MLIP: variants seen among roughly 807,000 people sequenced by gnomAD.
The protein encoded by MLIP is muscular LMNA interacting protein.
In MLIP, 79 loss-of-function variants were observed where a neutral mutation model predicts 84.8. That is an observed-to-expected ratio of 0.93 (90% CI 0.78 to 1.12). The LOEUF is 1.12. Ranked by LOEUF, MLIP falls within the 50% of genes most tolerant of loss-of-function variation. The pLI, the probability that MLIP is intolerant of heterozygous loss-of-function variation, is 0.00. For synonymous variants in MLIP, 504 were observed against 463.0 expected, an observed-to-expected ratio of 1.09 and a Z score of -1.14; for missense variants, 1,257 against 1,160.6, an observed-to-expected ratio of 1.08 and a Z score of -1.21.
chr6:54,136,760 C>T lies in MLIP; in HGVS notation c.691C>T (p.Pro231Ser). 1.3e-6 allele frequency: 2 copies of T among 1,516,412 alleles called. No individual in the cohort carries two copies. Among genetic ancestry groups the T allele is most frequent in the Non-Finnish European group, 1.8e-6 (2 of 1,131,550 alleles). 93.9% of individuals were successfully genotyped at this position (1,516,412 alleles called of 1,614,324 possible). ...TTSEQLACKP[P>S]AFSFVSPTNP... is the part of the protein sequence containing the mutation. ...CTCTGAGCAGCTTGCCTGTAAACCA[C>T]CTGCTTTCTCCTTTGTTTCTCCAAC... Residue 231 changes from proline (P) to serine (S), a missense_variant, in exon 4 of 14, where the codon CCT (proline) becomes TCT (serine). Physicochemically the swap from Pro to Ser is moderately conservative, Grantham distance 74 (BLOSUM62 -1). Transcript: ENST00000502396.
intron 8 of MLIP, 48 bp downstream of exon 8, chr6:54,160,847 T>A: frequency 6.7e-7 from 1 of 1,494,878 alleles, no homozygotes; most frequent in Non-Finnish European, 9.2e-7. Flanking sequence ...ATTTATTAGA[T>A]CAATGATTTC....
intron 4 of MLIP, among the ~76,000 whole-genome samples, chr6:54,148,493 T>C (rs547345806): frequency 6.6e-6 from 1 of 152,334 alleles, no homozygotes; most frequent in East Asian, 1.9e-4. Context: ...TTTTTGTTTT[T>C]CTTTATGGAG....
chr6:54,255,189 C>T (rs1246651631), intron 12 of MLIP, among the ~76,000 whole-genome samples: 1 of 152,176 alleles, frequency 6.6e-6, no homozygotes, highest in African/African-American at 2.4e-5. Flanking sequence ...TTCCCATGGG[C>T]ATATTGCCAC....
At chr6:54,112,395 C>G (rs1232016182) in intron 1 of MLIP, among the ~76,000 whole-genome samples, 1 of 142,138 alleles carries the variant, frequency 7.0e-6, no homozygotes, top group African/African-American at 2.5e-5. Flanking sequence ...AACTGAAATT[C>G]CTTGTGAATG....
chr6:54,225,559 G>A (rs1780520896), intron 11 of MLIP, among the ~76,000 whole-genome samples: 1 of 152,116 alleles, frequency 6.6e-6, no homozygotes, highest in Non-Finnish European at 1.5e-5. Flanking sequence ...GTGTAACATT[G>A]TTATAAAACC....
At chr6:54,079,945 G>T (rs1767030419) in intron 1 of MLIP, among the ~76,000 whole-genome samples, 1 of 152,150 alleles carries the variant, frequency 6.6e-6, no homozygotes, top group Admixed American at 6.6e-5. Context: ...TTTACTGGAG[G>T]TTAGAAAGTT....
intron 3 of MLIP, among the ~76,000 whole-genome samples, chr6:54,125,492 G>A (rs1199023648): frequency 2.6e-5 from 4 of 152,216 alleles, no homozygotes; most frequent in African/African-American, 9.6e-5. Context: ...TTAAGGTAGA[G>A]AGAGTCTGGT....
intron 1 of MLIP, among the ~76,000 whole-genome samples, chr6:54,061,215 AAC>A (rs942537460): frequency 2.0e-5 from 3 of 152,122 alleles, no homozygotes; most frequent in African/African-American, 7.2e-5. Flanking sequence ...TATTAGTAGA[AAC>A]ACAATTCGCT....
upstream of MLIP, among the ~76,000 whole-genome samples, chr6:54,106,556 T>G (rs1364686772): frequency 2.6e-5 from 4 of 152,174 alleles, no homozygotes; most frequent in East Asian, 3.9e-4. Flanking sequence ...TTTTTTGGAT[T>G]TATTTTGAAG....
At chr6:54,149,197 C>T in intron 5 of MLIP, 70 bp downstream of exon 5, 4 of 1,381,540 alleles carry the variant, frequency 2.9e-6, no homozygotes, top group Non-Finnish European at 4.1e-6. Context: ...TCTAAAATTT[C>T]TGTTGGGAAG....
chr6:54,201,579 A>G (rs1778681594), intron 10 of MLIP, among the ~76,000 whole-genome samples: 1 of 152,170 alleles, frequency 6.6e-6, no homozygotes, highest in Admixed American at 6.5e-5. Context: ...ATTGGGAGAG[A>G]CAATCTATTT....
chr6:54,246,624 C>T (rs1192743293), intron 12 of MLIP, among the ~76,000 whole-genome samples: 1 of 152,012 alleles, frequency 6.6e-6, no homozygotes, highest in Non-Finnish European at 1.5e-5. Context: ...AACCTTAATT[C>T]TACCATATTA....
At chr6:54,253,891 G>A (rs748723734) in intron 12 of MLIP, among the ~76,000 whole-genome samples, 7 of 151,946 alleles carry the variant, frequency 4.6e-5, no homozygotes, top group Non-Finnish European at 8.8e-5. Context: ...GATGAAAAGC[G>A]TGCTTTGTCT....
At chr6:54,044,989 T>C (rs141118293) in intron 1 of MLIP, among the ~76,000 whole-genome samples, 1 of 152,316 alleles carries the variant, frequency 6.6e-6, no homozygotes, top group African/African-American at 2.4e-5. Context: ...TATATTTACT[T>C]TAATCATAGT....
chr6:54,093,025 C>A (rs1561923544), intron 1 of MLIP, among the ~76,000 whole-genome samples: 1 of 152,086 alleles, frequency 6.6e-6, no homozygotes, highest in Admixed American at 6.6e-5. Context: ...TACAGGCATG[C>A]ACCACCATGC....
At chr6:54,131,697 A>G (rs548704039) in intron 3 of MLIP, among the ~76,000 whole-genome samples, 1 of 152,334 alleles carries the variant, frequency 6.6e-6, no homozygotes, top group Admixed American at 6.5e-5. Context: ...ATTATGGGAA[A>G]TATAGGATCA....
chr6:54,205,399 T>G (rs1343539009), intron 11 of MLIP, among the ~76,000 whole-genome samples: 1 of 152,230 alleles, frequency 6.6e-6, no homozygotes, highest in Non-Finnish European at 1.5e-5. Flanking sequence ...TGGAAGTAGC[T>G]CACAGTCACT....
At chr6:54,032,880 A>G (rs1339210560) in intron 1 of MLIP, among the ~76,000 whole-genome samples, 1 of 152,200 alleles carries the variant, frequency 6.6e-6, no homozygotes, top group African/African-American at 2.4e-5. Flanking sequence ...ATTGGTATCT[A>G]TCAATAATTG....
chr6:54,228,852 C>T (rs1780786806), intron 11 of MLIP, among the ~76,000 whole-genome samples: 1 of 152,152 alleles, frequency 6.6e-6, no homozygotes, highest in Non-Finnish European at 1.5e-5. Context: ...CATAGTTAGT[C>T]TTGTGTTTGC....
Sources: gnomAD v4.1 joint callset for allele counts (sites outside exome capture counted in the v4.1 genomes callset) on GRCh38, gnomAD v4.1.1 for gene constraint, MANE v1.5 for transcripts, NCBI Gene and HGNC (gene_info 2026-07-23, HGNC 2026-07-21) for gene names.